Variants in CDH4 observed in about 807,000 individuals in gnomAD.
The protein encoded by CDH4 is cadherin-4.
CDH4 carries 33 observed loss-of-function variants against 86.0 expected under a neutral mutation model. The ratio of observed to expected loss-of-function variants is 0.38; its 90% confidence interval spans 0.29 to 0.51. The LOEUF (loss-of-function observed/expected upper bound fraction) is 0.51. CDH4 is among the 20% of genes least tolerant of loss of function. CDH4 has a pLI of 0.86. For missense variants in CDH4, 1,114 were observed against 1,307.4 expected (o/e 0.85, Z 2.28); for synonymous variants, 555 against 549.4 (o/e 1.01, Z -0.14).
chr20:61,713,836 C>G (rs992233332), intron 2 of CDH4, among the ~76,000 whole-genome samples: 1 of 152,134 alleles, frequency 6.6e-6, no homozygotes, highest in African/African-American at 2.4e-5. Context: ...AGAAGCCCAT[C>G]TGTGGCTTTA....
chr20:61,793,542 C>G (rs947147029), intron 4 of CDH4, among the ~76,000 whole-genome samples: 1 of 152,042 alleles, frequency 6.6e-6, no homozygotes, highest in Non-Finnish European at 1.5e-5. Flanking sequence ...TTCAGGATCC[C>G]AGCAAGAATG....
Position 61,743,646 on chromosome 20 carries a change from G to A in CDH4, c.253G>A (p.Val85Ile). ...CTTCAAAGTTGGGGCAGATGGGACA[G>A]TCTTCGCCACCCGGGAGCTGCAGGT... Reference protein sequence around the residue: ...MDFKVGADGTVFATRELQVPS... With the variant: ...MDFKVGADGTIFATRELQVPS... Residue 85 changes from valine to isoleucine, a missense_variant, in exon 3 of 16, where the codon GTC (valine) becomes ATC (isoleucine). This residue lies in a region of CDH4 where 221 missense variants were observed against 209.5 expected (regional missense o/e 1.05). Coordinates refer to ENST00000614565, the MANE Select transcript of CDH4 (RefSeq NM_001794.5). 1.3e-6 allele frequency: 2 copies of A among 1,595,388 alleles called. No homozygotes were observed. Among genetic ancestry groups the A allele is most frequent in the Non-Finnish European group, 1.7e-6 (2 of 1,170,678 alleles).
chr20:61,339,052 ACG>A (rs369273964), intron 2 of CDH4, among the ~76,000 whole-genome samples: 33 of 152,132 alleles, frequency 2.2e-4, no homozygotes, highest in African/African-American at 7.9e-4. Flanking sequence ...ACACATACAC[ACG>A]CACACACCCC....
In CDH4 at chr20:61,390,111, G is replaced by A. The variant is rs376024738; in HGVS notation, c.169+135174G>A. ...CCAGTTGAGATCGTATGGTCATAGG[G>A]TGCCCATAGTGCCATGTCTAGGAAA... On this transcript the variant is annotated intron_variant, in intron 2 of 15. Transcript: ENST00000614565. Among the ~76,000 whole-genome samples, 13 of 150,424 alleles carry A rather than the reference G, an allele frequency of 8.6e-5. No homozygotes were observed. The East Asian group carries it at 1.2e-3, about 14-fold the overall frequency.
chr20:61,591,214 C>T (rs989754045), intron 2 of CDH4, among the ~76,000 whole-genome samples: 1 of 152,158 alleles, frequency 6.6e-6, no homozygotes, highest in African/African-American at 2.4e-5. Flanking sequence ...AGTACCGGGG[C>T]CAAACCTGTT....
rs548469086 is a variant in CDH4, at chr20:61,678,977, A to G, written c.170-64586A>G. On this transcript the variant is annotated intron_variant, in intron 2 of 15. Coordinates refer to ENST00000614565, the MANE Select transcript of CDH4 (RefSeq NM_001794.5). Reference sequence around the variant, plus strand: ...CCCTGCAGTGTCCAAGAGGGAGAGTATGAAAATGACTCAGGTTTTCTTTTT... The same window carrying G: ...CCCTGCAGTGTCCAAGAGGGAGAGTGTGAAAATGACTCAGGTTTTCTTTTT... Among the ~76,000 whole-genome samples, 4 of 152,344 alleles carry G rather than the reference A, an allele frequency of 2.6e-5. No individual in the cohort carries two copies. The South Asian group carries it at 8.3e-4, about 32-fold the overall frequency.
chr20:61,546,702 T>A (rs751212373), intron 2 of CDH4, among the ~76,000 whole-genome samples: 7 of 152,050 alleles, frequency 4.6e-5, no homozygotes, highest in Non-Finnish European at 1.0e-4. Flanking sequence ...GTGATGAAGC[T>A]GGCCTAGGTC....
intron 11 of CDH4, among the ~76,000 whole-genome samples, chr20:61,927,555 G>A (rs566993264): frequency 2.0e-5 from 3 of 152,240 alleles, no homozygotes; most frequent in South Asian, 4.1e-4. Context: ...GCGATCATGC[G>A]TCTGGGCTCA....
chr20:61,490,058 G>A (rs1471457985), intron 2 of CDH4, among the ~76,000 whole-genome samples: 1 of 152,092 alleles, frequency 6.6e-6, no homozygotes, highest in African/African-American at 2.4e-5. Context: ...CCATCACATT[G>A]GTTCTTGGTT....
At chr20:61,826,409 A>C (rs867457750) in intron 4 of CDH4, among the ~76,000 whole-genome samples, 79 of 151,840 alleles carry the variant, frequency 5.2e-4, no homozygotes, top group African/African-American at 1.9e-3. Context: ...TTGTCTCCTT[A>C]CTCCATCCAG....
chr20:61,794,011 C>T lies in CDH4; in HGVS notation c.576+20829C>T, dbSNP rs373005942. On this transcript the variant is annotated intron_variant, in intron 4 of 15. Coordinates refer to ENST00000614565, the MANE Select transcript of CDH4 (RefSeq NM_001794.5). Reference sequence around the variant, plus strand: ...AAAAAAAATTAGCTGGGCGTGGTGGCGGGCACCTGTAGTCCCAGCTACTCG... The same window carrying T: ...AAAAAAAATTAGCTGGGCGTGGTGGTGGGCACCTGTAGTCCCAGCTACTCG... 6.0e-5 allele frequency among the ~76,000 whole-genome samples: 9 copies of T among 149,006 alleles called. No individual in the cohort carries two copies. The East Asian group carries it at 9.9e-4, about 16-fold the overall frequency.
At chr20:61,600,043 CCT>C (rs1285247512) in intron 2 of CDH4, 1 of 790,412 alleles carries the variant, frequency 1.3e-6, no homozygotes, top group African/African-American at 1.9e-5. Context: ...AATTTAAGAG[CCT>C]CTCTATTTGA....
At position 61,387,635 on chromosome 20, in the gene CDH4, C is replaced by T. The variant is rs889905978; in HGVS notation, c.169+132698C>T. ...ACAGACAAAAAGATACACACAGACA[C>T]ACAAACACATCCCGATGTCCTGTTT... On this transcript the variant is annotated intron_variant, in intron 2 of 15. Transcript: ENST00000614565. Among the ~76,000 whole-genome samples, 11 of 152,216 alleles carry T rather than the reference C, an allele frequency of 7.2e-5. No individual in the cohort carries two copies. The East Asian group carries it at 2.1e-3, about 29-fold the overall frequency.
chr20:61,383,788 G>T (rs1288898818), intron 2 of CDH4, among the ~76,000 whole-genome samples: 1 of 49,584 alleles, frequency 2.0e-5, no homozygotes, highest in Non-Finnish European at 4.1e-5. Flanking sequence ...TATATATGAA[G>T]ATATATATGC....
At chr20:61,768,044 G>A (rs111229560) in intron 3 of CDH4, among the ~76,000 whole-genome samples, 5 of 152,312 alleles carry the variant, frequency 3.3e-5, no homozygotes, top group South Asian at 2.1e-4. Flanking sequence ...GGACCCCAAA[G>A]ACCAGCTCAG....
At chr20:61,344,650 TAG>T (rs1343609958) in intron 2 of CDH4, among the ~76,000 whole-genome samples, 3 of 152,216 alleles carry the variant, frequency 2.0e-5, no homozygotes, top group African/African-American at 7.2e-5. Flanking sequence ...CTCATTAATT[TAG>T]AGAGTTTCAT....
chr20:61,280,142 G>A (rs910554324), intron 2 of CDH4, among the ~76,000 whole-genome samples: 1 of 152,122 alleles, frequency 6.6e-6, no homozygotes, highest in East Asian at 1.9e-4. Flanking sequence ...GGTCTGCCAG[G>A]CTGGGTGGGG....
intron 2 of CDH4, among the ~76,000 whole-genome samples, chr20:61,532,408 G>A (rs1000979868): frequency 4.6e-5 from 7 of 152,184 alleles, no homozygotes; most frequent in Admixed American, 4.6e-4. Flanking sequence ...AGCCCCGTAT[G>A]AAAATGAACC....
chr20:61,881,902 T>C (rs1026465148), intron 7 of CDH4, among the ~76,000 whole-genome samples: 1 of 152,220 alleles, frequency 6.6e-6, no homozygotes, highest in South Asian at 2.1e-4. Context: ...ATCGTCTGCA[T>C]TGGGGTGGAC....
Sources: allele counts gnomAD v4.1 joint callset (sites outside exome capture counted in the v4.1 genomes callset), GRCh38; gene constraint gnomAD v4.1.1; regional missense constraint gnomAD v4.1.1; transcripts MANE v1.5; gene names NCBI Gene and HGNC (gene_info 2026-07-23, HGNC 2026-07-21).